ACOXL: variants seen among roughly 807,000 people sequenced by gnomAD.
ACOXL encodes the protein acyl-coenzyme A oxidase-like protein.
ACOXL carries 70 observed loss-of-function variants against 71.9 expected under a neutral mutation model. The observed-to-expected ratio is 0.97, with a 90% CI of 0.80 to 1.19. The LOEUF (loss-of-function observed/expected upper bound fraction) is 1.19, where lower values mean the gene tolerates loss of function less well. ACOXL is among the 50% of genes most tolerant of loss of function. The pLI is 0.00. For missense variants in ACOXL, 703 were observed against 736.3 expected, an observed-to-expected ratio of 0.95 and a Z score of 0.52; for synonymous variants, 253 against 281.6, an observed-to-expected ratio of 0.90 and a Z score of 1.02.
At chr2:110,951,969 T>A (rs1574257734) in intron 12 of ACOXL, among the ~76,000 whole-genome samples, 2 of 152,224 alleles carry the variant, frequency 1.3e-5, no homozygotes, top group Non-Finnish European at 1.5e-5. Context: ...TAACCTAGTT[T>A]GGATATCCAG....
chr2:110,818,832 G>C (rs76684483), intron 9 of ACOXL, among the ~76,000 whole-genome samples: 3 of 64,504 alleles, frequency 4.7e-5, no homozygotes, highest in Non-Finnish European at 1.0e-4. Context: ...AGGTGCTGAT[G>C]TCAGCACCCT....
chr2:111,117,429 G>T (rs1238940054), intron 17 of ACOXL, among the ~76,000 whole-genome samples, 187 bp from the exon 18 acceptor site: 1 of 152,212 alleles, frequency 6.6e-6, no homozygotes, highest in Non-Finnish European at 1.5e-5. Flanking sequence ...TCAGAGTTGG[G>T]AATGTCTAAA....
intron 9 of ACOXL, among the ~76,000 whole-genome samples, chr2:110,805,831 C>T (rs1318730703): frequency 6.6e-6 from 1 of 152,190 alleles, no homozygotes; most frequent in African/African-American, 2.4e-5. Context: ...AGTCTGGAGG[C>T]CATGAGACCA....
chr2:110,775,659 A>G (rs1207157275), intron 2 of ACOXL, among the ~76,000 whole-genome samples: 1 of 152,244 alleles, frequency 6.6e-6, no homozygotes, highest in Non-Finnish European at 1.5e-5. Context: ...GTCACTAATC[A>G]TTAGGCAAAT....
At chr2:110,889,968 C>T (rs1697755893) in intron 10 of ACOXL, among the ~76,000 whole-genome samples, 1 of 152,172 alleles carries the variant, frequency 6.6e-6, no homozygotes. Context: ...ACTAGCCATA[C>T]TTGCTATTAT....
intron 10 of ACOXL, among the ~76,000 whole-genome samples, chr2:110,859,618 G>A (rs902820133): frequency 5.9e-5 from 9 of 152,202 alleles, no homozygotes; most frequent in Non-Finnish European, 8.8e-5. Flanking sequence ...TGCATGGAGA[G>A]GGGCTTTGCC....
intron 14 of ACOXL, among the ~76,000 whole-genome samples, chr2:111,002,015 C>T (rs1335549579): frequency 6.6e-6 from 1 of 151,966 alleles, no homozygotes; most frequent in East Asian, 1.9e-4. Context: ...GTCTCTGTCT[C>T]TCTGTCTCTG....
intron 17 of ACOXL, among the ~76,000 whole-genome samples, chr2:111,095,474 C>G (rs2068755952): frequency 6.6e-6 from 1 of 150,716 alleles, no homozygotes; most frequent in South Asian, 2.1e-4. Context: ...TCAGTGCCAC[C>G]TCGGCCTCCC....
rs1297531682 is a variant in ACOXL, at chr2:110,967,790, G to A, written c.1060-19318G>A. 4.3e-6 allele frequency: 3 copies of A among 705,408 alleles called. No individual in the cohort carries two copies. The East Asian group carries it at 7.6e-5, about 18-fold the overall frequency. The allele number at this position is 705,408 out of a possible 1,614,324, so 43.7% of individuals were successfully genotyped here. On this transcript the variant is annotated intron_variant, in intron 12 of 17. Transcript: ENST00000439055. ...CTGAAAAACAGGCACTGCTGGGCCT[G>A]CAGGTCTCTGTTGAGCCACGGATGT...
intron 9 of ACOXL, among the ~76,000 whole-genome samples, chr2:110,840,284 A>T (rs17041562): frequency 0.02 from 2,974 of 152,330 alleles, 42 homozygotes; most frequent in Middle Eastern, 0.065. Flanking sequence ...TTGTTGTATG[A>T]TGAAATATTT....
At chr2:110,814,921 T>C (rs1480660128) in intron 9 of ACOXL, among the ~76,000 whole-genome samples, 1 of 151,938 alleles carries the variant, frequency 6.6e-6, no homozygotes, top group Non-Finnish European at 1.5e-5. Context: ...ATTGCCTTTG[T>C]TTTTTTTCTT....
At chr2:110,981,662 G>A (rs1327015534) in intron 12 of ACOXL, among the ~76,000 whole-genome samples, 3 of 152,094 alleles carry the variant, frequency 2.0e-5, no homozygotes, top group Non-Finnish European at 4.4e-5. Context: ...GTTCTTTAAG[G>A]CTTAGGTCAA....
intron 2 of ACOXL, among the ~76,000 whole-genome samples, chr2:110,780,382 CTGTT>C (rs1431382136): frequency 6.6e-6 from 1 of 152,190 alleles, no homozygotes; most frequent in Non-Finnish European, 1.5e-5. Context: ...TTTTCAAAAA[CTGTT>C]TGGCTGTTCC....
At chr2:110,737,055 T>C (rs545936792) in intron 1 of ACOXL, among the ~76,000 whole-genome samples, 1 of 152,364 alleles carries the variant, frequency 6.6e-6, no homozygotes, top group South Asian at 2.1e-4. Flanking sequence ...CATATACACA[T>C]GTGCACATCA....
At chr2:110,785,329 T>C (rs966160232) in intron 3 of ACOXL, among the ~76,000 whole-genome samples, 1 of 151,936 alleles carries the variant, frequency 6.6e-6, no homozygotes, top group African/African-American at 2.4e-5. Flanking sequence ...TGTTAGGACA[T>C]AGACCCTATT....
chr2:110,761,053 C>T (rs905618522), intron 1 of ACOXL, among the ~76,000 whole-genome samples: 11 of 152,144 alleles, frequency 7.2e-5, no homozygotes, highest in Admixed American at 2.6e-4. Context: ...TAGTGTTACT[C>T]GTTCCTTTCC....
intron 1 of ACOXL, among the ~76,000 whole-genome samples, chr2:110,735,158 A>C (rs1356569136): frequency 1.3e-5 from 2 of 152,256 alleles, no homozygotes; most frequent in African/African-American, 4.8e-5. Flanking sequence ...AAATGGTTAA[A>C]GATTCTGATA....
rs182516145 is a variant in ACOXL, at chr2:110,928,059, C to T, written c.906-5430C>T. 1.7e-3 allele frequency among the ~76,000 whole-genome samples: 258 copies of T among 152,270 alleles called. 2 individuals are homozygous for T. Among genetic ancestry groups the T allele is most frequent in the African/African-American group, 6.0e-3 (251 of 41,546 alleles). On this transcript the variant is annotated intron_variant, in intron 11 of 17. Coordinates refer to ENST00000439055, the MANE Select transcript of ACOXL (RefSeq NM_001142807.4). The stretch of plus-strand genomic sequence containing the variant: ...GTCTGCCTCTCCTCTTTATTCCAGG[C>T]GAGCAACTCAAGCAGTCCAGGATGC...
At chr2:110,892,994 C>T (rs1296421781) in intron 10 of ACOXL, among the ~76,000 whole-genome samples, 2 of 152,192 alleles carry the variant, frequency 1.3e-5, no homozygotes, top group African/African-American at 4.8e-5. Flanking sequence ...ACCTACATCT[C>T]TCACCTCTGC....
Sources: allele counts gnomAD v4.1 joint callset (sites outside exome capture counted in the v4.1 genomes callset), GRCh38; gene constraint gnomAD v4.1.1; transcripts MANE v1.5; gene names NCBI Gene and HGNC (gene_info 2026-07-23, HGNC 2026-07-21).